The following CAPN3 variants were observed in gnomAD, a reference collection of about 807,000 sequenced individuals.
CAPN3 encodes the protein calpain-3.
In CAPN3, 88 loss-of-function variants were observed where a neutral mutation model predicts 114.0. The observed-to-expected ratio is 0.77, with a 90% CI of 0.65 to 0.92. CAPN3 has a LOEUF of 0.92. Ranked by LOEUF, CAPN3 falls within the 40% of genes least tolerant of loss-of-function variation. The pLI, the probability that CAPN3 is intolerant of heterozygous loss-of-function variation, is 0.00. For missense variants in CAPN3, 1,028 were observed against 1,069.0 expected (o/e 0.96, Z 0.53); for synonymous variants, 386 against 382.9 (o/e 1.01, Z -0.09).
intron 1 of CAPN3, among the ~76,000 whole-genome samples, chr15:42,362,420 T>C (rs911950356): frequency 4.6e-5 from 7 of 152,294 alleles, no homozygotes; most frequent in Admixed American, 4.6e-4. Flanking sequence ...TTGGGCAGTG[T>C]CCATGTTTGA....
rs371704768 is a variant in CAPN3 at position 42,399,472 on chromosome 15, C to G, written c.1194-20C>G. The G allele has an allele frequency of 6.8e-6, 11 of 1,608,422 alleles. No individual in the cohort carries two copies. The highest frequency in any genetic ancestry group is 7.7e-6 in the Non-Finnish European group (9 of 1,174,916). ...CTCACCTGCTCCCATATGGCTCTCT[C>G]TCTTCTTCCAACCTCTCAGGATGTC... On this transcript the variant is annotated intron_variant, in intron 9 of 23. Transcript: ENST00000397163.
intron 1 of CAPN3, among the ~76,000 whole-genome samples, chr15:42,363,222 C>T (rs1194845208): frequency 6.6e-6 from 1 of 152,124 alleles, no homozygotes; most frequent in Non-Finnish European, 1.5e-5. Flanking sequence ...ATTGAGTTTC[C>T]AGGGCAAACA....
At chr15:42,390,136 A>T (rs1470720193) in intron 6 of CAPN3, 40 bp downstream of exon 6, 2 of 1,612,382 alleles carry the variant, frequency 1.2e-6, no homozygotes, top group Admixed American at 3.3e-5. Flanking sequence ...CCATCCCTCC[A>T]ACCCACATGA....
chr15:42,411,688 C>A, intron 23 of CAPN3, 59 bp from the exon 24 acceptor site: 1 of 455,374 alleles, frequency 2.2e-6, no homozygotes. Flanking sequence ...ATTCCTAGGG[C>A]GGGGGGGGGG....
chr15:42,412,195 T>C lies in CAPN3; in HGVS notation c.*422T>C, dbSNP rs1566987323. On this transcript the variant is annotated 3_prime_UTR_variant, in exon 24 of 24. Transcript: ENST00000397163. Reference sequence around the variant, plus strand: ...GCCAGGAACCAAACCAGCACTGGGTTCTACTGCTGTGGGGTAAACTAACTC... The same window carrying C: ...GCCAGGAACCAAACCAGCACTGGGTCCTACTGCTGTGGGGTAAACTAACTC... 6.5e-7 allele frequency: 1 copy of C among 1,536,014 alleles called. No individual in the cohort carries two copies. Among genetic ancestry groups the C allele is most frequent in the Non-Finnish European group, 8.7e-7 (1 of 1,146,792 alleles).
In CAPN3 at chr15:42,394,263, T is replaced by C; in HGVS notation, c.1037T>C (p.Phe346Ser). ...YSVTGLDEVP[F>S]KGEKVKLVRL... ...TCTTTCTGTGTGCTTAAGGTCCCGT[T>C]CAAAGGTGAGAAAGTGAAGCTGGTG... Residue 346 changes from phenylalanine to serine, a missense_variant, in exon 8 of 24, where the codon TTC becomes TCC. Coordinates refer to ENST00000397163, the MANE Select transcript of CAPN3 (RefSeq NM_000070.3). The C allele has an allele frequency of 1.3e-6, 2 of 1,557,424 alleles. No individual in the cohort carries two copies. The highest frequency in any genetic ancestry group is 1.7e-6 in the Non-Finnish European group (2 of 1,150,040).
In CAPN3 at chr15:42,408,331, G is replaced by A. The variant is rs2054087736; in HGVS notation, c.1914+7G>A. Reference sequence around the variant, plus strand: ...GCAAAAGCAGTCCCCACAGGTGTCTGGGCATGTGGCATGGGTGGGGTGGCC... The same window carrying A: ...GCAAAAGCAGTCCCCACAGGTGTCTAGGCATGTGGCATGGGTGGGGTGGCC... On this transcript the variant is annotated splice_region_variant and intron_variant, in intron 16 of 23. Coordinates refer to ENST00000397163, the MANE Select transcript of CAPN3 (RefSeq NM_000070.3). 1.3e-6 allele frequency: 2 copies of A among 1,589,000 alleles called. No individual in the cohort carries two copies. The highest frequency in any genetic ancestry group is 4.5e-5 in the East Asian group (2 of 44,740).
At chr15:42,402,208 C>G (rs1254697004) in intron 12 of CAPN3, 73 bp downstream of exon 12, 8 of 1,609,276 alleles carry the variant, frequency 5.0e-6, no homozygotes, top group African/African-American at 1.3e-5. Flanking sequence ...TGTGGCTCGT[C>G]GAGAAGCTTC....
chr15:42,365,784 C>A (rs2052763283), intron 1 of CAPN3, among the ~76,000 whole-genome samples: 1 of 152,176 alleles, frequency 6.6e-6, no homozygotes, highest in African/African-American at 2.4e-5. Flanking sequence ...CTTAGCCCTG[C>A]TCTTCTTCAC....
chr15:42,390,985 G>A (rs984492269), intron 6 of CAPN3, among the ~76,000 whole-genome samples: 1 of 151,474 alleles, frequency 6.6e-6, no homozygotes, highest in Admixed American at 6.6e-5. Context: ...TAGAGACGGG[G>A]TTTCACCATG....
chr15:42,387,281 T>C (rs527261476), intron 3 of CAPN3, among the ~76,000 whole-genome samples: 1 of 152,344 alleles, frequency 6.6e-6, no homozygotes, highest in South Asian at 2.1e-4. Context: ...GAATAGATTC[T>C]GGGTCACTTT....
intron 1 of CAPN3, chr15:42,374,556 C>T (rs1251062040): frequency 2.0e-5 from 3 of 152,126 alleles, no homozygotes; most frequent in African/African-American, 7.2e-5. Context: ...GATGGGACTT[C>T]AGGAGCCAGC....
chr15:42,388,048 C>T (rs2053451385), intron 4 of CAPN3, among the ~76,000 whole-genome samples, 162 bp downstream of exon 4: 1 of 152,168 alleles, frequency 6.6e-6, no homozygotes, highest in Admixed American at 6.5e-5. Flanking sequence ...CAGTTCCAGG[C>T]AACAACAGCT....
Position 42,399,525 on chromosome 15 carries a change from A to G in CAPN3, c.1227A>G (p.Thr409=), listed in dbSNP as rs111806046. The change falls in exon 10 of 24, where the codon ACA becomes ACG. Residue 409 remains threonine, a synonymous_variant. Transcript: ENST00000397163. ...ATGAGGATTTCATCTACCATTTCAC[A>G]AAGTTGGAGATCTGCAACCTCACGG... The part of the protein sequence containing the change: ...MSYEDFIYHF[T]KLEICNLTAD... 378 of 1,613,776 alleles carry G rather than the reference A, an allele frequency of 2.3e-4. No individual in the cohort carries two copies. Among genetic ancestry groups the G allele is most frequent in the Non-Finnish European group, 3.1e-4 (364 of 1,179,880 alleles).
At chr15:42,379,316 A>C (rs1167539392) in intron 1 of CAPN3, among the ~76,000 whole-genome samples, 1 of 152,130 alleles carries the variant, frequency 6.6e-6, no homozygotes, top group Admixed American at 6.5e-5. Flanking sequence ...GTCTCAAAAA[A>C]AAAAAATTGG....
At chr15:42,387,970 G>C in intron 4 of CAPN3, 84 bp downstream of exon 4, 2 of 1,539,936 alleles carry the variant, frequency 1.3e-6, no homozygotes, top group Non-Finnish European at 1.8e-6. Flanking sequence ...CTCACAGGAA[G>C]AGGCATGTGC....
intron 1 of CAPN3, among the ~76,000 whole-genome samples, chr15:42,379,999 G>A (rs1313735070): frequency 4.6e-5 from 7 of 152,108 alleles, no homozygotes; most frequent in East Asian, 1.9e-4. Flanking sequence ...GCTTGTAATC[G>A]CAGCTACTCA....
At chr15:42,397,727 A>G (rs2053741596) in intron 9 of CAPN3, among the ~76,000 whole-genome samples, 1 of 151,960 alleles carries the variant, frequency 6.6e-6, no homozygotes, top group South Asian at 2.1e-4. Flanking sequence ...TTATTTAAAA[A>G]CTATAATAGA....
At chr15:42,373,806 A>T (rs1405308242) in intron 1 of CAPN3, among the ~76,000 whole-genome samples, 1 of 152,112 alleles carries the variant, frequency 6.6e-6, no homozygotes, top group Non-Finnish European at 1.5e-5. Context: ...TGAAGGCGTC[A>T]TTACCCCCAA....
Sources: allele counts gnomAD v4.1 joint callset (sites outside exome capture counted in the v4.1 genomes callset), GRCh38; gene constraint gnomAD v4.1.1; transcripts MANE v1.5; gene names NCBI Gene and HGNC (gene_info 2026-07-23, HGNC 2026-07-21).